Variants in EVI5 observed in about 807,000 individuals in gnomAD.
EVI5 encodes ecotropic viral integration site 5.
In EVI5, 73 loss-of-function variants were observed where a neutral mutation model predicts 112.0. The observed-to-expected ratio is 0.65, with a 90% CI of 0.54 to 0.79. The LOEUF is 0.79. Ranked by LOEUF, EVI5 falls within the 30% of genes least tolerant of loss-of-function variation. EVI5 has a pLI of 0.00. For missense variants in EVI5, 900 were observed against 968.8 expected (o/e 0.93, Z 0.94); for synonymous variants, 305 against 319.9 (o/e 0.95, Z 0.50).
chr1:92,674,122 G>A (rs538105427), intron 10 of EVI5, among the ~76,000 whole-genome samples: 53 of 152,244 alleles, frequency 3.5e-4, no homozygotes, highest in African/African-American at 8.9e-4. Flanking sequence ...AGACTTTTGC[G>A]GGAGGGAGGG....
intron 1 of EVI5, among the ~76,000 whole-genome samples, chr1:92,772,457 T>G (rs367976616): frequency 3.8e-4 from 57 of 151,734 alleles, no homozygotes; most frequent in East Asian, 6.0e-4. Context: ...TTAGCCGGGC[T>G]TGGTGGCGGG....
At chr1:92,636,366 C>T (rs1440681404) in intron 13 of EVI5, 30 bp from the exon 14 acceptor site, 1 of 1,597,052 alleles carries the variant, frequency 6.3e-7, no homozygotes, top group Non-Finnish European at 8.6e-7. Flanking sequence ...ACTGAAATTT[C>T]ATGAAAGTAT....
At chr1:92,717,754 T>C (rs1674000544) in intron 2 of EVI5, among the ~76,000 whole-genome samples, 1 of 150,128 alleles carries the variant, frequency 6.7e-6, no homozygotes, top group African/African-American at 2.5e-5. Context: ...ACTGGCAAAT[T>C]AGATAAAGAG....
intron 10 of EVI5, among the ~76,000 whole-genome samples, chr1:92,668,602 G>T (rs1273873744): frequency 6.6e-6 from 1 of 152,074 alleles, no homozygotes; most frequent in Admixed American, 6.5e-5. Context: ...TACGGCTTCT[G>T]AAATCTATTT....
intron 2 of EVI5, among the ~76,000 whole-genome samples, chr1:92,717,801 T>A (rs1021545449): frequency 6.6e-6 from 1 of 151,720 alleles, no homozygotes; most frequent in East Asian, 1.9e-4. Flanking sequence ...AGAAGATCCA[T>A]CTCACGTGCA....
At position 92,665,998 on chromosome 1, in the gene EVI5, AAG is replaced by A. The variant is rs1372108683; in HGVS notation, c.1159-8_1159-7del. 1 of 1,587,670 alleles carries A rather than the reference AAG, an allele frequency of 6.3e-7. No individual in the cohort carries two copies. The highest frequency in any genetic ancestry group is 8.5e-7 in the Non-Finnish European group (1 of 1,170,074). ...CTATTTTCTGTGCGTAACCTCTGCC[AAG>A]AAAAAAAAAGTTTTATTTGCAAGCA... On this transcript the variant is annotated splice_region_variant and splice_polypyrimidine_tract_variant and intron_variant, in intron 10 of 19. Transcript: ENST00000684568.
intron 19 of EVI5, among the ~76,000 whole-genome samples, chr1:92,551,040 C>CTTTT (rs55898086): frequency 0.025 from 2,006 of 80,620 alleles, 220 homozygotes; most frequent in East Asian, 0.11. Flanking sequence ...TTCTTTCTTT[C>CTTTT]TTTTTTTTTT....
chr1:92,711,341 C>T (rs962132357), intron 2 of EVI5, among the ~76,000 whole-genome samples: 8 of 152,174 alleles, frequency 5.3e-5, no homozygotes, highest in Admixed American at 1.3e-4. Flanking sequence ...TCCTATTGTA[C>T]TCAGCATAAT....
chr1:92,633,322 C>G (rs962378815), intron 14 of EVI5, among the ~76,000 whole-genome samples: 108 of 152,082 alleles, frequency 7.1e-4, no homozygotes, highest in African/African-American at 2.5e-3. Context: ...CTCTTTGTAG[C>G]TCTCTAAGGA....
At chr1:92,782,425 G>T (rs1348485330) in intron 1 of EVI5, among the ~76,000 whole-genome samples, 2 of 152,066 alleles carry the variant, frequency 1.3e-5, no homozygotes, top group Non-Finnish European at 2.9e-5. Context: ...CATTATAAAT[G>T]AGAGAAAAAT....
At chr1:92,598,373 A>G (rs1194410911) in intron 18 of EVI5, among the ~76,000 whole-genome samples, 1 of 152,166 alleles carries the variant, frequency 6.6e-6, no homozygotes, top group South Asian at 2.1e-4. Flanking sequence ...AAACCTTCAC[A>G]TGTACCCCCA....
chr1:92,759,370 A>G (rs184139017), intron 1 of EVI5, among the ~76,000 whole-genome samples: 1 of 152,238 alleles, frequency 6.6e-6, no homozygotes, highest in Non-Finnish European at 1.5e-5. Context: ...ATGATGGAGC[A>G]TGAACAATAT....
At chr1:92,550,338 G>A (rs1356275048) in intron 19 of EVI5, among the ~76,000 whole-genome samples, 7 of 118,118 alleles carry the variant, frequency 5.9e-5, no homozygotes, top group Non-Finnish European at 1.2e-4. Flanking sequence ...CACACACTGG[G>A]GCCTGTCATG....
At chr1:92,627,676 A>C (rs1390098241) in intron 14 of EVI5, among the ~76,000 whole-genome samples, 1 of 152,190 alleles carries the variant, frequency 6.6e-6, no homozygotes, top group Non-Finnish European at 1.5e-5. Flanking sequence ...CATTGCATCC[A>C]CGCCAACATC....
chr1:92,562,495 A>G (rs1399542133), intron 19 of EVI5, among the ~76,000 whole-genome samples: 1 of 152,138 alleles, frequency 6.6e-6, no homozygotes, highest in Non-Finnish European at 1.5e-5. Flanking sequence ...GCACCACTGC[A>G]CTCCAGCCTG....
chr1:92,758,224 T>C (rs1056202435), intron 1 of EVI5, among the ~76,000 whole-genome samples: 1 of 152,212 alleles, frequency 6.6e-6, no homozygotes, highest in Non-Finnish European at 1.5e-5. Context: ...TAGCGACTTC[T>C]GTATTTAAAA....
intron 10 of EVI5, among the ~76,000 whole-genome samples, chr1:92,668,265 G>C (rs779323458): frequency 4.6e-5 from 7 of 152,158 alleles, no homozygotes; most frequent in Non-Finnish European, 1.0e-4. Context: ...ATACAGGAAA[G>C]TTAATAACTA....
chr1:92,700,056 C>CA (rs1407616860), intron 5 of EVI5, among the ~76,000 whole-genome samples: 1 of 152,126 alleles, frequency 6.6e-6, no homozygotes, highest in East Asian at 1.9e-4. Flanking sequence ...AGGTCCTTCT[C>CA]AAAAAAATTG....
At chr1:92,714,200 A>G (rs1673272555) in intron 2 of EVI5, 1 of 886,652 alleles carries the variant, frequency 1.1e-6, no homozygotes, top group African/African-American at 1.8e-5. Context: ...TATTTTTAAA[A>G]AGTAATAGCC....
Sources: gnomAD v4.1 joint callset for allele counts (sites outside exome capture counted in the v4.1 genomes callset) on GRCh38, gnomAD v4.1.1 for gene constraint, MANE v1.5 for transcripts, NCBI Gene and HGNC (gene_info 2026-07-23, HGNC 2026-07-21) for gene names.